The following MANBA variants were observed in gnomAD, a reference collection of about 807,000 sequenced individuals.
MANBA encodes the protein beta-mannosidase.
Under a neutral mutation model 111.1 loss-of-function variants are expected in MANBA, and 83 were observed. That is an observed-to-expected ratio of 0.75 (90% CI 0.63 to 0.90). The LOEUF (loss-of-function observed/expected upper bound fraction) is 0.90. MANBA is among the 40% of genes least tolerant of loss of function. The pLI, the probability that MANBA is intolerant of heterozygous loss-of-function variation, is 0.00. For missense variants in MANBA, 1,036 were observed against 1,069.0 expected (o/e 0.97, Z 0.43); for synonymous variants, 370 against 378.7 (o/e 0.98, Z 0.27).
At chr4:102,637,779 CT>C (rs1389597485) in intron 14 of MANBA, among the ~76,000 whole-genome samples, 11 of 152,336 alleles carry the variant, frequency 7.2e-5, no homozygotes, top group African/African-American at 2.6e-4. Context: ...AAAACATCCT[CT>C]GTAATACAGC....
rs550542961 is a variant in MANBA at position 102,742,475 on chromosome 4, G to A, written c.178-15792C>T. 2.6e-4 allele frequency among the ~76,000 whole-genome samples: 40 copies of A among 152,252 alleles called. No homozygotes were observed. In the South Asian group the frequency reaches 6.6e-3, roughly 25 times the overall value. ...ACATGGTCTTCTGGAGAACTTTGCC[G>A]CAGCCCTGAAAAGTATTGTCACCCA... On this transcript the variant is annotated intron_variant, in intron 1 of 16. Coordinates refer to ENST00000647097, the MANE Select transcript of MANBA (RefSeq NM_005908.4).
intron 7 of MANBA, chr4:102,682,940 A>G (rs1307973238): frequency 6.6e-6 from 1 of 152,086 alleles, no homozygotes; most frequent in Non-Finnish European, 1.5e-5. Context: ...TAATAGACCT[A>G]GAAACCTAAT....
chr4:102,715,617 G>A (rs1311562394), intron 4 of MANBA, among the ~76,000 whole-genome samples: 1 of 152,134 alleles, frequency 6.6e-6, no homozygotes, highest in African/African-American at 2.4e-5. Context: ...GTACCCATTA[G>A]TTATTTTTCC....
chr4:102,708,811 G>A (rs1167050242), intron 5 of MANBA, among the ~76,000 whole-genome samples: 1 of 151,514 alleles, frequency 6.6e-6, no homozygotes, highest in Non-Finnish European at 1.5e-5. Flanking sequence ...TAGACCAAAT[G>A]AACCTAATAC....
In MANBA at chr4:102,732,262, G is replaced by C. The variant is rs537739356; in HGVS notation, c.178-5579C>G. Among the ~76,000 whole-genome samples the C allele has an allele frequency of 1.1e-4, 16 of 152,320 alleles. No individual in the cohort carries two copies. The South Asian group carries it at 2.3e-3, about 22-fold the overall frequency. On this transcript the variant is annotated intron_variant, in intron 1 of 16. Transcript: ENST00000647097. ...AATACTCAAGACAGGAGGCAGAACA[G>C]AAAGTGGCAAACAAATCTTTTCAGT... is the stretch of plus-strand genomic sequence containing the variant.
chr4:102,652,616 T>G (rs1449087958), intron 12 of MANBA, among the ~76,000 whole-genome samples: 1 of 152,120 alleles, frequency 6.6e-6, no homozygotes, highest in Non-Finnish European at 1.5e-5. Flanking sequence ...CCCGGCCGGA[T>G]GCAGTGTTTC....
intron 14 of MANBA, among the ~76,000 whole-genome samples, chr4:102,636,819 T>C (rs964274513): frequency 6.6e-6 from 1 of 152,194 alleles, no homozygotes; most frequent in East Asian, 1.9e-4. Context: ...AATATTATTA[T>C]ATATACATAT....
chr4:102,672,030 A>G (rs1231951279), intron 8 of MANBA: 1 of 398,812 alleles, frequency 2.5e-6, no homozygotes, highest in Non-Finnish European at 4.4e-6. Context: ...GTTGGGCTGA[A>G]GGACCACAGC....
At chr4:102,755,696 A>G (rs112128190) in intron 1 of MANBA, among the ~76,000 whole-genome samples, 9,895 of 152,222 alleles carry the variant, frequency 0.065, 678 homozygotes, top group African/African-American at 0.17. Flanking sequence ...CCTACAGAAT[A>G]GGAGAAAATT....
At chr4:102,676,602 T>C (rs141264911) in intron 7 of MANBA, among the ~76,000 whole-genome samples, 2 of 152,332 alleles carry the variant, frequency 1.3e-5, no homozygotes, top group East Asian at 3.9e-4. Flanking sequence ...AATCATACTT[T>C]TGCTTTACAA....
intron 13 of MANBA, among the ~76,000 whole-genome samples, chr4:102,641,426 C>T (rs921553398): frequency 6.6e-6 from 1 of 152,142 alleles, no homozygotes; most frequent in Non-Finnish European, 1.5e-5. Context: ...TTTACATTTC[C>T]AAAAGATGAC....
At chr4:102,639,925 T>C in intron 13 of MANBA, 68 bp from the exon 14 acceptor site, 1 of 1,562,550 alleles carries the variant, frequency 6.4e-7, no homozygotes, top group Non-Finnish European at 8.8e-7. Context: ...CTGAGAAAAA[T>C]ACAGGGTTTA....
In MANBA at chr4:102,752,585, G is replaced by T; in HGVS notation, c.177+8133C>A. 6.2e-6 allele frequency: 4 copies of T among 643,608 alleles called. No individual in the cohort carries two copies. In the Admixed American group the frequency reaches 7.3e-5, roughly 12 times the overall value. The allele number at this position is 643,608 out of a possible 1,614,324, so 39.9% of individuals were successfully genotyped here. On this transcript the variant is annotated intron_variant, in intron 1 of 16. Coordinates refer to ENST00000647097, the MANE Select transcript of MANBA (RefSeq NM_005908.4). ...AGGGCTACTTTTCAGTGGACAAGCA[G>T]ACAATAAATTGTATTCCTACAGATA...
At chr4:102,658,241 A>G (rs1188394409) in intron 11 of MANBA, among the ~76,000 whole-genome samples, 1 of 152,192 alleles carries the variant, frequency 6.6e-6, no homozygotes, top group Non-Finnish European at 1.5e-5. Context: ...TGAGCTGGAT[A>G]CGTTTTTGTT....
intron 13 of MANBA, among the ~76,000 whole-genome samples, chr4:102,647,773 A>G (rs1018752310): frequency 3.3e-5 from 5 of 152,094 alleles, no homozygotes; most frequent in African/African-American, 9.7e-5. Context: ...TGAAACATTA[A>G]AATTCTCCTA....
chr4:102,728,488 AT>A, intron 1 of MANBA: 1 of 381,064 alleles, frequency 2.6e-6, no homozygotes, highest in Non-Finnish European at 5.0e-6. Flanking sequence ...CATCTTTCAC[AT>A]TTGAAAAAAA....
At chr4:102,666,941 C>T (rs915114231) in intron 10 of MANBA, 6 of 152,268 alleles carry the variant, frequency 3.9e-5, no homozygotes, top group Non-Finnish European at 5.9e-5. Context: ...TAATAGAAAT[C>T]GCTTCCTTGC....
rs538414760 is a variant in MANBA, at chr4:102,671,446, A to C, written c.1113-48T>G. On this transcript the variant is annotated intron_variant, in intron 8 of 16. Transcript: ENST00000647097. Reference sequence around the variant, plus strand: ...AAATCATAATTTGGAAAAAAAAAACAGATTGTGACAGATAAACACATTTCT... The same window carrying C: ...AAATCATAATTTGGAAAAAAAAAACCGATTGTGACAGATAAACACATTTCT... 3.9e-6 allele frequency: 4 copies of C among 1,032,520 alleles called. No homozygotes were observed. The South Asian group carries it at 3.9e-5, about 10-fold the overall frequency. The allele number at this position is 1,032,520 out of a possible 1,614,324, so 64.0% of individuals were successfully genotyped here.
chr4:102,667,524 T>A (rs2110219485), intron 10 of MANBA: 1 of 152,228 alleles, frequency 6.6e-6, no homozygotes, highest in African/African-American at 2.4e-5. Context: ...GAAGACACGC[T>A]GAGTTAGTGT....
Sources: allele counts gnomAD v4.1 joint callset (sites outside exome capture counted in the v4.1 genomes callset), GRCh38; gene constraint gnomAD v4.1.1; transcripts MANE v1.5; gene names NCBI Gene and HGNC (gene_info 2026-07-23, HGNC 2026-07-21).